Variants in DOCK3 observed in about 807,000 individuals in gnomAD.
DOCK3 encodes the protein dedicator of cytokinesis protein 3.
Under a neutral mutation model 265.6 loss-of-function variants are expected in DOCK3, and 60 were observed. That is an observed-to-expected ratio of 0.23 (90% CI 0.18 to 0.28). The LOEUF is 0.28. Ranked by LOEUF, DOCK3 falls within the 10% of genes least tolerant of loss-of-function variation. The probability of loss-of-function intolerance (pLI) is 1.00; values close to 1 mark genes in which losing one functional copy is unlikely to be tolerated. For synonymous variants in DOCK3, 881 were observed against 938.0 expected, an observed-to-expected ratio of 0.94 and a Z score of 1.11; for missense variants, 1,981 against 2,594.3, an observed-to-expected ratio of 0.76 and a Z score of 5.14.
chr3:51,023,132 C>T (rs2079665088), intron 5 of DOCK3, among the ~76,000 whole-genome samples: 1 of 152,268 alleles, frequency 6.6e-6, no homozygotes, highest in South Asian at 2.1e-4. Flanking sequence ...CAATTATTCC[C>T]TCAAATAAGT....
At chr3:50,790,481 T>TC in intron 2 of DOCK3, among the ~76,000 whole-genome samples, 1 of 151,868 alleles carries the variant, frequency 6.6e-6, no homozygotes, top group East Asian at 1.9e-4. Flanking sequence ...AGCTTTTTTT[T>TC]TTTTTTTAGC....
At chr3:50,799,330 T>A (rs2042953545) in intron 2 of DOCK3, among the ~76,000 whole-genome samples, 1 of 152,228 alleles carries the variant, frequency 6.6e-6, no homozygotes, top group African/African-American at 2.4e-5. Flanking sequence ...ACAATATTAA[T>A]TTTTCTGATT....
intron 6 of DOCK3, among the ~76,000 whole-genome samples, chr3:51,075,030 T>C (rs1469039087): frequency 6.6e-6 from 1 of 151,816 alleles, no homozygotes; most frequent in East Asian, 1.9e-4. Context: ...TGGGGAGAAA[T>C]AGAAAAATAA....
intron 8 of DOCK3, among the ~76,000 whole-genome samples, chr3:51,089,531 A>G: frequency 6.6e-6 from 1 of 152,224 alleles, no homozygotes; most frequent in Admixed American, 6.5e-5. Context: ...TAAAAATGTT[A>G]TTTAGAATGG....
chr3:51,308,867 C>T lies in DOCK3; in HGVS notation c.2923-1365C>T, dbSNP rs376476352. ...GCGGAGGGGCTCCTCACTTCTCAGA[C>T]GGGGCGGCTGCCGGGCGGAGGGTCT... On this transcript the variant is annotated intron_variant, in intron 27 of 52. Coordinates refer to ENST00000266037, the MANE Select transcript of DOCK3 (RefSeq NM_004947.5). 8.9e-3 allele frequency among the ~76,000 whole-genome samples: 1,339 copies of T among 150,070 alleles called. 27 individuals carry two copies. The highest frequency in any genetic ancestry group is 0.029 in the African/African-American group (1,182 of 40,774).
intron 3 of DOCK3, among the ~76,000 whole-genome samples, chr3:50,864,648 G>C (rs537407031): frequency 7.9e-5 from 12 of 151,922 alleles, no homozygotes; most frequent in African/African-American, 2.7e-4. Flanking sequence ...ATCTAGTTTG[G>C]TTCTTCTGCA....
At chr3:50,956,932 G>A (rs2076745810) in intron 5 of DOCK3, among the ~76,000 whole-genome samples, 1 of 151,820 alleles carries the variant, frequency 6.6e-6, no homozygotes, top group Admixed American at 6.6e-5. Flanking sequence ...ACGCCATTTC[G>A]GCTCACTGCA....
At chr3:51,031,189 TG>T (rs2080035041) in intron 5 of DOCK3, among the ~76,000 whole-genome samples, 1 of 152,204 alleles carries the variant, frequency 6.6e-6, no homozygotes, top group Admixed American at 6.5e-5. Context: ...TCAGCTACTT[TG>T]TTGGTAATAG....
At chr3:50,958,160 T>C (rs991850494) in intron 5 of DOCK3, among the ~76,000 whole-genome samples, 2 of 152,230 alleles carry the variant, frequency 1.3e-5, no homozygotes, top group Non-Finnish European at 2.9e-5. Flanking sequence ...GTTTGTTTCT[T>C]CCTCCAAACT....
At chr3:51,160,803 G>A (rs550619795) in intron 12 of DOCK3, 101 bp downstream of exon 12, 20 of 1,408,802 alleles carry the variant, frequency 1.4e-5, no homozygotes, top group African/African-American at 5.8e-5. Flanking sequence ...CACAGGCCAC[G>A]CAGTGGCTCA....
At chr3:51,071,493 G>A (rs543509972) in intron 6 of DOCK3, among the ~76,000 whole-genome samples, 1 of 152,106 alleles carries the variant, frequency 6.6e-6, no homozygotes, top group Non-Finnish European at 1.5e-5. Context: ...ATACTTCTTT[G>A]ATCACAATCC....
chr3:50,885,801 G>A (rs1220831990), intron 3 of DOCK3, among the ~76,000 whole-genome samples: 3 of 152,042 alleles, frequency 2.0e-5, no homozygotes, highest in East Asian at 1.9e-4. Flanking sequence ...TGAGTGCTTC[G>A]TTACTGCCTG....
intron 28 of DOCK3, 119 bp downstream of exon 28, chr3:51,310,445 A>C (rs929752917): frequency 1.5e-5 from 13 of 893,754 alleles, no homozygotes; most frequent in Non-Finnish European, 2.1e-5. Flanking sequence ...CCATGGGAAC[A>C]GAGAGGAGAG....
At chr3:50,876,777 T>C (rs566477077) in intron 3 of DOCK3, 1 of 153,360 alleles carries the variant, frequency 6.5e-6, no homozygotes, top group Non-Finnish European at 1.5e-5. Context: ...TTGACATATT[T>C]GCTGTGTTCT....
chr3:50,787,670 G>A (rs901345767), intron 2 of DOCK3: 15 of 1,311,554 alleles, frequency 1.1e-5, no homozygotes, highest in Non-Finnish European at 1.6e-5. Context: ...GTAGTTCTGG[G>A]AGTAGGGGAA....
At chr3:51,060,953 A>G (rs1356525326) in intron 5 of DOCK3, among the ~76,000 whole-genome samples, 2 of 152,240 alleles carry the variant, frequency 1.3e-5, no homozygotes, top group African/African-American at 2.4e-5. Context: ...CAACAGACAC[A>G]TGAAAAAATG....
At position 51,129,141 on chromosome 3, in the gene DOCK3, G is replaced by A. The variant is rs535143380; in HGVS notation, c.747-17408G>A. Among the ~76,000 whole-genome samples, 3 of 152,334 alleles carry A rather than the reference G, an allele frequency of 2.0e-5. 1 individual carries two copies. The South Asian group carries it at 6.2e-4, about 32-fold the overall frequency. On this transcript the variant is annotated intron_variant, in intron 9 of 52. Transcript: ENST00000266037. ...ACCATTGACTACAGCCCATGAATTA[G>A]TATATAATTGCACATCTGGCCATTT...
chr3:51,000,180 A>G (rs1459058898), intron 5 of DOCK3, among the ~76,000 whole-genome samples: 2 of 152,150 alleles, frequency 1.3e-5, no homozygotes, highest in African/African-American at 4.8e-5. Flanking sequence ...GGCCTGTTAC[A>G]TGTTTTGACC....
intron 27 of DOCK3, among the ~76,000 whole-genome samples, chr3:51,293,876 ACAC>A (rs1056559127): frequency 2.0e-5 from 3 of 152,236 alleles, no homozygotes; most frequent in East Asian, 1.9e-4. Context: ...TCATCAGAAA[ACAC>A]CAAGTAAAAC....
Sources: allele counts gnomAD v4.1 joint callset (sites outside exome capture counted in the v4.1 genomes callset), GRCh38; gene constraint gnomAD v4.1.1; transcripts MANE v1.5; gene names NCBI Gene and HGNC (gene_info 2026-07-23, HGNC 2026-07-21).